Variants in NUP43 observed in about 807,000 individuals in gnomAD.
NUP43 encodes the protein nucleoporin Nup43.
NUP43 carries 32 observed loss-of-function variants against 47.3 expected under a neutral mutation model. The observed-to-expected ratio is 0.68, with a 90% CI of 0.51 to 0.91. The LOEUF is 0.91. Among genes scored for constraint, NUP43 ranks in the 40% least tolerant of loss-of-function variants. NUP43 has a pLI of 0.00. For synonymous variants in NUP43, 147 were observed against 158.4 expected (o/e 0.93, Z 0.54); for missense variants, 444 against 453.9 (o/e 0.98, Z 0.20).
intron 2 of NUP43, among the ~76,000 whole-genome samples, chr6:149,744,167 T>C (rs887789445): frequency 5.9e-5 from 9 of 152,038 alleles, no homozygotes; most frequent in Non-Finnish European, 1.3e-4. Context: ...TGAGCCAAGA[T>C]TGAGCCCCTG....
At chr6:149,733,672 C>G (rs1785172235) in intron 6 of NUP43, among the ~76,000 whole-genome samples, 1 of 152,028 alleles carries the variant, frequency 6.6e-6, no homozygotes, top group South Asian at 2.1e-4. Context: ...TCTCAAACAA[C>G]TGGGCTCAAG....
chr6:149,730,191 T>A (rs994740648), intron 7 of NUP43, among the ~76,000 whole-genome samples: 3 of 151,690 alleles, frequency 2.0e-5, no homozygotes, highest in Non-Finnish European at 2.9e-5. Flanking sequence ...GTATTTTTAG[T>A]AGAGACGGGG....
At chr6:149,729,480 G>A in intron 7 of NUP43, 1 of 976,318 alleles carries the variant, frequency 1.0e-6, no homozygotes, top group South Asian at 4.7e-5. Context: ...CAACAACACT[G>A]GTGGTAGTTT....
intron 6 of NUP43, among the ~76,000 whole-genome samples, chr6:149,735,044 T>C (rs1205774449): frequency 6.6e-6 from 1 of 152,128 alleles, no homozygotes; most frequent in Admixed American, 6.6e-5. Flanking sequence ...CACTTCACTA[T>C]GGCATATAAA....
chr6:149,735,850 A>C (rs545351865), intron 6 of NUP43, among the ~76,000 whole-genome samples: 1 of 151,324 alleles, frequency 6.6e-6, no homozygotes, highest in Non-Finnish European at 1.5e-5. Flanking sequence ...ACACACACCT[A>C]TAGTCCTATC....
At chr6:149,749,220 G>T (rs1786185120), upstream of NUP43, 1 of 152,202 alleles carries the variant, frequency 6.6e-6, no homozygotes, top group Admixed American at 6.6e-5. Context: ...CAAAGCCAGA[G>T]GCCGGTGTAC....
In NUP43 at chr6:149,745,468, C is replaced by T. The variant is rs569813750; in HGVS notation, c.243+472G>A. Among the ~76,000 whole-genome samples the T allele has an allele frequency of 2.3e-4, 35 of 151,686 alleles. 1 individual carries two copies. The East Asian group carries it at 5.6e-3, about 24-fold the overall frequency. On this transcript the variant is annotated intron_variant, in intron 2 of 7. Coordinates refer to ENST00000340413, the MANE Select transcript of NUP43 (RefSeq NM_198887.3). ...TCATTACTGGTTTTGAGACTTTGGC[C>T]AAGTTAAGTTCACTAAATCGTGGTA...
At chr6:149,748,358 G>A (rs1265992647), upstream of NUP43, among the ~76,000 whole-genome samples, 3 of 152,144 alleles carry the variant, frequency 2.0e-5, no homozygotes, top group African/African-American at 7.2e-5. Flanking sequence ...AGTTTTGCCT[G>A]TAGTTTCATT....
Position 149,738,702 on chromosome 6 carries a change from T to A in NUP43, c.579A>T (p.Gly193=). The A allele has an allele frequency of 6.3e-7, 1 of 1,596,336 alleles. No homozygotes were observed. The highest frequency in any genetic ancestry group is 1.3e-5 in the African/African-American group (1 of 74,598). ...GTCTGAAATCCCATATTTTCAACTG[T>A]CCAATTGAATTTACAGTAAGAATCT... The part of the protein sequence containing the change: ...TPEILTVNSI[G]QLKIWDFRQQ... Residue 193 remains glycine (G), a synonymous_variant, in exon 5 of 8, where the codon GGA becomes GGT. Coordinates refer to ENST00000340413, the MANE Select transcript of NUP43 (RefSeq NM_198887.3).
intron 2 of NUP43, among the ~76,000 whole-genome samples, 174 bp from the exon 3 acceptor site, chr6:149,743,889 A>G (rs758776625): frequency 6.6e-6 from 1 of 152,258 alleles, no homozygotes; most frequent in Non-Finnish European, 1.5e-5. Context: ...ACTGCCATAC[A>G]AAGTATTTTC....
intron 5 of NUP43, among the ~76,000 whole-genome samples, chr6:149,738,048 G>C (rs917802784): frequency 2.0e-5 from 3 of 152,046 alleles, no homozygotes; most frequent in African/African-American, 7.2e-5. Flanking sequence ...TTTCTAAATA[G>C]TACAATTTTG....
At position 149,727,561 on chromosome 6, in the gene NUP43, TG is replaced by T. The variant is rs1472522365; in HGVS notation, c.914-364del. On this transcript the variant is annotated intron_variant, in intron 7 of 7. Coordinates refer to ENST00000340413, the MANE Select transcript of NUP43 (RefSeq NM_198887.3). Reference sequence around the variant, plus strand: ...AGAAACCAAAAATGTAGGTAATACATGGAAATATAAACTCTTGGGTAATAAC... The same window carrying T: ...AGAAACCAAAAATGTAGGTAATACATGAAATATAAACTCTTGGGTAATAAC... The T allele has an allele frequency of 3.1e-6, 3 of 952,922 alleles. No homozygotes were observed. The African/African-American group carries it at 5.3e-5, about 17-fold the overall frequency. The allele number at this position is 952,922 out of a possible 1,614,324, so 59.0% of individuals were successfully genotyped here. A position where few individuals can be genotyped will look rare whatever the true frequency, so the allele number is the denominator to read the frequency against.
intron 7 of NUP43, chr6:149,727,759 CACT>C (rs1784857123): frequency 2.0e-6 from 2 of 983,800 alleles, no homozygotes; most frequent in Non-Finnish European, 2.4e-6. Flanking sequence ...CAGATTAGAA[CACT>C]ACTAGATTAT....
At chr6:149,746,286 A>C in intron 1 of NUP43, 90 bp downstream of exon 1, 1 of 1,545,216 alleles carries the variant, frequency 6.5e-7, no homozygotes, top group South Asian at 1.2e-5. Context: ...GAGAAGAACC[A>C]GAAGGTGGGA....
chr6:149,742,078 G>A (rs867096230), intron 4 of NUP43, among the ~76,000 whole-genome samples: 47 of 150,206 alleles, frequency 3.1e-4, no homozygotes, highest in Middle Eastern at 6.8e-3. Context: ...CCTGGCTGGA[G>A]TGCAATGGTG....
intron 6 of NUP43, among the ~76,000 whole-genome samples, chr6:149,734,884 A>C (rs1246330200): frequency 6.6e-6 from 1 of 151,612 alleles, no homozygotes; most frequent in Non-Finnish European, 1.5e-5. Context: ...CGGCTAAATC[A>C]TCTCCACCAG....
chr6:149,745,082 A>G (rs1785898987), intron 2 of NUP43, among the ~76,000 whole-genome samples: 1 of 151,104 alleles, frequency 6.6e-6, no homozygotes, highest in African/African-American at 2.4e-5. Context: ...TGGAAAATGC[A>G]GGGGCTCTCC....
intron 6 of NUP43, among the ~76,000 whole-genome samples, chr6:149,733,854 C>T (rs565431581): frequency 2.7e-5 from 4 of 150,572 alleles, no homozygotes; most frequent in Admixed American, 2.0e-4. Flanking sequence ...GACGGAGTTT[C>T]ACTCTTGTTG....
chr6:149,744,710 C>T (rs1309705368), intron 2 of NUP43, among the ~76,000 whole-genome samples: 1 of 151,580 alleles, frequency 6.6e-6, no homozygotes, highest in Non-Finnish European at 1.5e-5. Flanking sequence ...GTGGCATGTG[C>T]CTGTTGTCCC....
Sources: allele counts gnomAD v4.1 joint callset (sites outside exome capture counted in the v4.1 genomes callset), GRCh38; gene constraint gnomAD v4.1.1; transcripts MANE v1.5; gene names NCBI Gene and HGNC (gene_info 2026-07-23, HGNC 2026-07-21).